CELF3: variants seen among roughly 807,000 people sequenced by gnomAD.
The protein encoded by CELF3 is CAG repeat domain.
CELF3 carries 26 observed loss-of-function variants against 59.6 expected under a neutral mutation model. The ratio of observed to expected loss-of-function variants is 0.44; its 90% confidence interval spans 0.32 to 0.61. CELF3 has a LOEUF of 0.61. Among genes scored for constraint, CELF3 ranks in the 20% least tolerant of loss-of-function variants. The pLI is 0.06. For missense variants in CELF3, 387 were observed against 627.2 expected, an observed-to-expected ratio of 0.62 and a Z score of 4.09; for synonymous variants, 245 against 250.7, an observed-to-expected ratio of 0.98 and a Z score of 0.22.
chr1:151,706,455 T>C (rs1672549569), intron 9 of CELF3, 94 bp from the exon 10 acceptor site: 1 of 1,351,294 alleles, frequency 7.4e-7, no homozygotes, highest in African/African-American at 1.5e-5. Flanking sequence ...CCCAGGCCAG[T>C]GGCACCTGCA....
rs372169817 is a variant in CELF3 at position 151,701,562 on chromosome 1, T to G, written c.*1897A>C. Among the ~76,000 whole-genome samples, 9 of 152,182 alleles carry G rather than the reference T, an allele frequency of 5.9e-5. No homozygotes were observed. In the South Asian group the frequency reaches 1.2e-3, roughly 21 times the overall value. On this transcript the variant is annotated 3_prime_UTR_variant, in exon 13 of 13. Transcript: ENST00000290583. The stretch of plus-strand genomic sequence containing the variant: ...CTCCTACAGCCATGCCTTACTGGCT[T>G]TGTGACTCCAGGGAAGTTAGTTAAC...
In CELF3 at chr1:151,703,312, G is replaced by A. The variant is rs1672225921; in HGVS notation, c.*147C>T. 2.2e-6 allele frequency: 1 copy of A among 455,396 alleles called. No individual in the cohort carries two copies. Among genetic ancestry groups the A allele is most frequent in the Non-Finnish European group, 4.4e-6 (1 of 226,314 alleles). The allele number at this position is 455,396 out of a possible 1,614,324, so 28.2% of individuals were successfully genotyped here. Reference sequence around the variant, plus strand: ...AGAGGCAGGGGGGTGGGAGGGGCCGGTGTCTTGTGCCCCCGGGGGCCACGA... The same window carrying A: ...AGAGGCAGGGGGGTGGGAGGGGCCGATGTCTTGTGCCCCCGGGGGCCACGA... On this transcript the variant is annotated 3_prime_UTR_variant, in exon 13 of 13. Coordinates refer to ENST00000290583, the MANE Select transcript of CELF3 (RefSeq NM_007185.7).
chr1:151,712,998 TAGGGAAG>T (rs1211729372), intron 2 of CELF3, among the ~76,000 whole-genome samples: 2 of 152,054 alleles, frequency 1.3e-5, no homozygotes, highest in African/African-American at 4.8e-5. Context: ...GGAGAAGACT[TAGGGAAG>T]ACAAAGGGTC....
intron 2 of CELF3, among the ~76,000 whole-genome samples, chr1:151,713,965 C>T (rs186661140): frequency 6.6e-6 from 1 of 152,316 alleles, no homozygotes; most frequent in African/African-American, 2.4e-5. Flanking sequence ...TGGCATCAGG[C>T]CTGATCCTCT....
Position 151,700,197 on chromosome 1 carries a change from CACTT to C in CELF3, c.*3258_*3261del, listed in dbSNP as rs778610726. 6.6e-6 allele frequency among the ~76,000 whole-genome samples: 1 copy of C among 152,092 alleles called. No individual in the cohort carries two copies. The highest frequency in any genetic ancestry group is 2.4e-5 in the African/African-American group (1 of 41,396). On this transcript the variant is annotated 3_prime_UTR_variant, in exon 13 of 13. Coordinates refer to ENST00000290583, the MANE Select transcript of CELF3 (RefSeq NM_007185.7). ...CTTACAGGCTCACAGAAGAATGAGA[CACTT>C]ACGCATGGCCATGATACACAGCAGT...
Position 151,709,878 on chromosome 1 carries a change from A to G in CELF3, c.229-87T>C. ...AGGCCAGGCCCTGCAGAGAGACTAG[A>G]GGGGCAAGCCCCAGGCCCTCTAAGT... On this transcript the variant is annotated intron_variant, in intron 2 of 12. Coordinates refer to ENST00000290583, the MANE Select transcript of CELF3 (RefSeq NM_007185.7). This position sits in a 1 kb window ranked among gnomAD's most constrained non-coding sequence, Gnocchi z 4.9. 7.7e-7 allele frequency: 1 copy of G among 1,298,702 alleles called. No individual in the cohort carries two copies. Among genetic ancestry groups the G allele is most frequent in the Non-Finnish European group, 1.1e-6 (1 of 892,398 alleles). The allele number at this position is 1,298,702 out of a possible 1,614,324, so 80.4% of individuals were successfully genotyped here.
rs370663681 is a variant in CELF3, at chr1:151,708,671, C to A, written c.486+327G>T. On this transcript the variant is annotated intron_variant, in intron 5 of 12. Coordinates refer to ENST00000290583, the MANE Select transcript of CELF3 (RefSeq NM_007185.7). ...GCACGTGGGGCCTCTAAGCAAGTGTCCTGGCGCCCCAGCAAATGAGGGTAG... is the reference window on the plus strand; with the variant it reads ...GCACGTGGGGCCTCTAAGCAAGTGTACTGGCGCCCCAGCAAATGAGGGTAG... Among the ~76,000 whole-genome samples, 193 of 151,660 alleles carry A rather than the reference C, an allele frequency of 1.3e-3. 7 individuals are homozygous for A. The South Asian group carries it at 0.038, about 30-fold the overall frequency.
In CELF3 at chr1:151,707,134, G is replaced by A; in HGVS notation, c.922+11C>T. 1 of 1,474,470 alleles carries A rather than the reference G, an allele frequency of 6.8e-7. No homozygotes were observed. Among genetic ancestry groups the A allele is most frequent in the Non-Finnish European group, 9.0e-7 (1 of 1,115,310 alleles). The allele number at this position is 1,474,470 out of a possible 1,614,324, so 91.3% of individuals were successfully genotyped here. A position where few individuals can be genotyped will look rare whatever the true frequency, so the allele number is the denominator to read the frequency against. ...GTTGCTGGGACGGAGTGGGCAGGCA[G>A]AGAGTCCCACCTGGGTAGGGGTGAA... On this transcript the variant is annotated intron_variant, in intron 8 of 12. Transcript: ENST00000290583.
chr1:151,706,938 C>A (rs1382937981), intron 8 of CELF3, among the ~76,000 whole-genome samples: 1 of 152,208 alleles, frequency 6.6e-6, no homozygotes, highest in Non-Finnish European at 1.5e-5. Context: ...GTCTGACTGT[C>A]TTGCAACCCT....
rs547797076 is a variant in CELF3 at position 151,701,548 on chromosome 1, A to G, written c.*1911T>C. 3.0e-4 allele frequency among the ~76,000 whole-genome samples: 46 copies of G among 152,300 alleles called. No individual in the cohort carries two copies. Among genetic ancestry groups the G allele is most frequent in the Middle Eastern group, 6.8e-3 (2 of 294 alleles). On this transcript the variant is annotated 3_prime_UTR_variant, in exon 13 of 13. Coordinates refer to ENST00000290583, the MANE Select transcript of CELF3 (RefSeq NM_007185.7). ...CAAACTGGGTTCAACTCCTACAGCC[A>G]TGCCTTACTGGCTTTGTGACTCCAG... is the stretch of plus-strand genomic sequence containing the variant.
chr1:151,714,741 G>A, intron 1 of CELF3, 65 bp from the exon 2 acceptor site: 2 of 1,175,878 alleles, frequency 1.7e-6, no homozygotes, highest in South Asian at 2.6e-5. Flanking sequence ...CTCTCTGAAA[G>A]GCTCCCTTCC....
intron 9 of CELF3, 101 bp from the exon 10 acceptor site, chr1:151,706,462 T>A: frequency 1.5e-6 from 2 of 1,318,606 alleles, no homozygotes; most frequent in South Asian, 2.8e-5. Context: ...CAGTGGCACC[T>A]GCAGGGCTGA....
Position 151,709,542 on chromosome 1 carries a change from C to T in CELF3, c.278-194G>A. On this transcript the variant is annotated intron_variant, in intron 3 of 12. Transcript: ENST00000290583. This position sits in a 1 kb window ranked among gnomAD's most constrained non-coding sequence, Gnocchi z 4.9. ...ATCCCAGCTCTGAGGGACTCGCACT[C>T]CACCCTGGGCCTCAGTTTTGCCATC... 1 of 911,944 alleles carries T rather than the reference C, an allele frequency of 1.1e-6. No homozygotes were observed. The highest frequency in any genetic ancestry group is 1.7e-6 in the Non-Finnish European group (1 of 588,674). 56.5% of individuals were successfully genotyped at this position (911,944 alleles called of 1,614,324 possible). A position where few individuals can be genotyped will look rare whatever the true frequency, so the allele number is the denominator to read the frequency against.
chr1:151,709,870 G>A lies in CELF3; in HGVS notation c.229-79C>T. 5 of 1,374,736 alleles carry A rather than the reference G, an allele frequency of 3.6e-6. No individual in the cohort carries two copies. The highest frequency in any genetic ancestry group is 5.2e-6 in the Non-Finnish European group (5 of 961,574). The allele number at this position is 1,374,736 out of a possible 1,614,324, so 85.2% of individuals were successfully genotyped here. ...GCCCTCCCAGGCCAGGCCCTGCAGAGAGACTAGAGGGGCAAGCCCCAGGCC... is the reference window on the plus strand; with the variant it reads ...GCCCTCCCAGGCCAGGCCCTGCAGAAAGACTAGAGGGGCAAGCCCCAGGCC... On this transcript the variant is annotated intron_variant, in intron 2 of 12. Coordinates refer to ENST00000290583, the MANE Select transcript of CELF3 (RefSeq NM_007185.7). This position sits in a 1 kb window ranked among gnomAD's most constrained non-coding sequence, Gnocchi z 4.9.
rs544221742 is a variant in CELF3 at position 151,706,042 on chromosome 1, A to G, written c.1127-77T>C. The G allele has an allele frequency of 7.0e-5, 112 of 1,595,322 alleles. No individual in the cohort carries two copies. The South Asian group carries it at 1.0e-3, about 15-fold the overall frequency. ...CCCCAGAAGCAAATGTCCCAGGGAA[A>G]GCAGATCCTGGGAGTGCCCTCCAGT... On this transcript the variant is annotated intron_variant, in intron 10 of 12. Coordinates refer to ENST00000290583, the MANE Select transcript of CELF3 (RefSeq NM_007185.7).
Position 151,705,134 on chromosome 1 carries a change from C to T in CELF3, c.1305G>A (p.Gln435=). 6.2e-7 allele frequency: 1 copy of T among 1,613,882 alleles called. No homozygotes were observed. The change falls in exon 12 of 13, where the codon CAG becomes CAA. Residue 435 remains glutamine (Q), a synonymous_variant. Transcript: ENST00000290583. This position sits in a 1 kb window ranked among gnomAD's most constrained non-coding sequence, Gnocchi z 5.1. The part of the protein sequence containing the change: ...FVSFDNPASA[Q]AAIQAMNGFQ... ...AGCCATTCATGGCCTGGATGGCAGC[C>T]TGGGCACTGGCCGGATTGTCGAAAC...
At chr1:151,706,181 C>A in intron 10 of CELF3, 43 bp downstream of exon 10, 1 of 1,611,232 alleles carries the variant, frequency 6.2e-7, no homozygotes, top group Non-Finnish European at 8.5e-7. Flanking sequence ...GTCCCCAAGC[C>A]CATAACGAGG....
chr1:151,705,149 A>G lies in CELF3; in HGVS notation c.1290T>C (p.Asn430=), dbSNP rs1571908450. The part of the protein sequence containing the change: ...SKCFGFVSFD[N]PASAQAAIQA... ...GGATGGCAGCCTGGGCACTGGCCGG[A>G]TTGTCGAAACTCACAAAGCCTGGGG... is the stretch of plus-strand genomic sequence containing the variant. The change falls in exon 12 of 13, where the codon AAT becomes AAC. Residue 430 remains asparagine (N), a synonymous_variant. Transcript: ENST00000290583. The surrounding 1 kb of genome is among the most constrained non-coding windows in gnomAD (Gnocchi z 5.1). The G allele has an allele frequency of 1.2e-6, 2 of 1,613,386 alleles. No individual in the cohort carries two copies. Among genetic ancestry groups the G allele is most frequent in the East Asian group, 2.2e-5 (1 of 44,840 alleles).
Position 151,705,192 on chromosome 1 carries a change from C to T in CELF3, c.1271-24G>A, listed in dbSNP as rs760454394. 25 of 1,600,262 alleles carry T rather than the reference C, an allele frequency of 1.6e-5. No homozygotes were observed. The highest frequency in any genetic ancestry group is 2.1e-5 in the Non-Finnish European group (24 of 1,170,586). ...GCCTGGGGTGAGAGGGGCATAAGGC[C>T]CGGCCCAGCCCCACCTCGCTCTTCC... On this transcript the variant is annotated intron_variant, in intron 11 of 12. Coordinates refer to ENST00000290583, the MANE Select transcript of CELF3 (RefSeq NM_007185.7). This position sits in a 1 kb window ranked among gnomAD's most constrained non-coding sequence, Gnocchi z 5.1.
Sources: gnomAD v4.1 joint callset for allele counts (sites outside exome capture counted in the v4.1 genomes callset) on GRCh38, gnomAD v4.1.1 for gene constraint, Gnocchi (gnomAD v3.1) non-coding constraint, MANE v1.5 for transcripts, NCBI Gene and HGNC (gene_info 2026-07-23, HGNC 2026-07-21) for gene names.